Variants in NUP54 observed in about 807,000 individuals in gnomAD.
NUP54 encodes the protein nucleoporin 54.
NUP54 carries 27 observed loss-of-function variants against 66.4 expected under a neutral mutation model. The ratio of observed to expected loss-of-function variants is 0.41; its 90% CI spans 0.30 to 0.56. NUP54 has a LOEUF of 0.56. NUP54 is among the 20% of genes least tolerant of loss of function. The pLI is 0.34. For missense variants in NUP54, 486 were observed against 596.3 expected (o/e 0.82, Z 1.93); for synonymous variants, 206 against 210.7 (o/e 0.98, Z 0.19).
chr4:76,144,529 ACTT>A, intron 1 of NUP54, 56 bp from the exon 2 acceptor site: 14 of 1,241,944 alleles, frequency 1.1e-5, no homozygotes, highest in Non-Finnish European at 1.5e-5. Context: ...TATAAAGGCA[ACTT>A]CTTTTTAAAA....
intron 3 of NUP54, among the ~76,000 whole-genome samples, chr4:76,141,540 C>T (rs568844117): frequency 2.0e-5 from 3 of 152,216 alleles, no homozygotes; most frequent in Non-Finnish European, 2.9e-5. Context: ...TCCAGTCATT[C>T]GCTTTTATTG....
chr4:76,146,747 T>C (rs1731516841), intron 1 of NUP54, among the ~76,000 whole-genome samples: 1 of 152,238 alleles, frequency 6.6e-6, no homozygotes, highest in Non-Finnish European at 1.5e-5. Context: ...TATATCATTA[T>C]TGTTTTGCAA....
intron 4 of NUP54, 79 bp downstream of exon 4, chr4:76,136,107 T>C: frequency 1.1e-6 from 1 of 937,974 alleles, no homozygotes; most frequent in Non-Finnish European, 1.7e-6. Flanking sequence ...TCCAAGCAAT[T>C]GTTATCTTGA....
At position 76,136,293 on chromosome 4, in the gene NUP54, C is replaced by T. The variant is rs1731036019; in HGVS notation, c.415G>A (p.Ala139Thr). ...LLGDERDAILAKWNQLQAFWG... is the reference protein window; with the variant it reads ...LLGDERDAILTKWNQLQAFWG... ...AAGGCCTGCAGTTGATTCCATTTTG[C>T]CAAAATAGCATCTCTCTCATCTCCC... The change falls in exon 4 of 12, where the codon GCA becomes ACA. Residue 139 changes from alanine (A) to threonine (T), a missense_variant. Ala to Thr is a moderately conservative substitution (Grantham distance 58). Around this residue, in one of 4 missense-constraint regions of NUP54, gnomAD observed 41 missense variants for 82.7 expected, o/e 0.50. Coordinates refer to ENST00000264883, the MANE Select transcript of NUP54 (RefSeq NM_017426.4). The T allele has an allele frequency of 6.2e-7, 1 of 1,613,934 alleles. No individual in the cohort carries two copies. Among genetic ancestry groups the T allele is most frequent in the African/African-American group, 1.3e-5 (1 of 74,890 alleles).
chr4:76,144,435 C>A lies in NUP54; in HGVS notation c.106G>T (p.Gly36Cys). ...GGFGTTSTTA[G>C]SAFSFSAPTN... ...GGGGCAGAAAAGCTGAATGCAGAAC[C>A]TGCAGTTGTAGATGTTGTCCCAAAT... Residue 36 changes from glycine to cysteine, a missense_variant, in exon 2 of 12, where the codon GGT becomes TGT. Physicochemically the swap from Gly to Cys is radical, Grantham distance 159. Transcript: ENST00000264883. 6.2e-7 allele frequency: 1 copy of A among 1,608,774 alleles called. No homozygotes were observed. Among genetic ancestry groups the A allele is most frequent in the Non-Finnish European group, 8.5e-7 (1 of 1,178,666 alleles).
chr4:76,133,273 G>T (rs1329297289), intron 5 of NUP54, among the ~76,000 whole-genome samples: 1 of 151,242 alleles, frequency 6.6e-6, no homozygotes, highest in Non-Finnish European at 1.5e-5. Flanking sequence ...CAACCTAAAT[G>T]ATAAAGTTAA....
intron 8 of NUP54, among the ~76,000 whole-genome samples, chr4:76,128,136 C>T (rs758495472): frequency 6.6e-6 from 1 of 152,070 alleles, no homozygotes; most frequent in Admixed American, 6.6e-5. Context: ...GGAGATACAT[C>T]GTATTACCTA....
intron 3 of NUP54, 34 bp downstream of exon 3, chr4:76,144,115 G>A (rs1560693044): frequency 6.2e-7 from 1 of 1,610,576 alleles, no homozygotes; most frequent in Admixed American, 1.7e-5. Context: ...TATCATCACG[G>A]TTTTGTATTT....
intron 1 of NUP54, chr4:76,147,400 T>C (rs2109918423): frequency 1.0e-6 from 1 of 978,296 alleles, no homozygotes; most frequent in East Asian, 6.2e-5. Context: ...GTAACTGTTC[T>C]TTCCCAAACT....
chr4:76,137,652 G>A (rs951773610), intron 3 of NUP54, among the ~76,000 whole-genome samples: 4 of 149,624 alleles, frequency 2.7e-5, no homozygotes, highest in Non-Finnish European at 5.9e-5. Flanking sequence ...CAACCTCTCT[G>A]GGATACCAAT....
intron 3 of NUP54, among the ~76,000 whole-genome samples, chr4:76,141,841 T>G (rs1203850639): frequency 3.9e-5 from 6 of 152,158 alleles, no homozygotes; most frequent in Non-Finnish European, 7.4e-5. Context: ...CCAATTCATA[T>G]CTATCTCTCC....
At chr4:76,118,406 G>A (rs1247538693) in intron 9 of NUP54, 2 of 504,676 alleles carry the variant, frequency 4.0e-6, no homozygotes, top group Non-Finnish European at 7.1e-6. Context: ...TTTTTTTTGA[G>A]ACAGGGTCTT....
intron 9 of NUP54, among the ~76,000 whole-genome samples, chr4:76,121,553 C>T (rs1199070124): frequency 6.6e-6 from 1 of 152,194 alleles, no homozygotes; most frequent in Non-Finnish European, 1.5e-5. Context: ...GAGCCTCAAA[C>T]TCCTGGGCTC....
At chr4:76,120,343 A>C (rs1431588135) in intron 9 of NUP54, among the ~76,000 whole-genome samples, 4 of 151,646 alleles carry the variant, frequency 2.6e-5, no homozygotes, top group Non-Finnish European at 4.4e-5. Context: ...ACATCAGAAT[A>C]CCCTTTCCCC....
chr4:76,142,547 G>C (rs765019249), intron 3 of NUP54, among the ~76,000 whole-genome samples: 2 of 152,226 alleles, frequency 1.3e-5, no homozygotes, highest in Non-Finnish European at 2.9e-5. Context: ...ATACAGGTAA[G>C]TCACAATCTC....
chr4:76,122,218 G>A (rs1211693514), intron 9 of NUP54, among the ~76,000 whole-genome samples: 1 of 152,166 alleles, frequency 6.6e-6, no homozygotes, highest in African/African-American at 2.4e-5. Flanking sequence ...TTAAGAAATT[G>A]ATAAATAGCT....
Position 76,132,558 on chromosome 4 carries a change from G to A in NUP54, c.872C>T (p.Ala291Val). Reference sequence around the variant, plus strand: ...ATTCTGTAAAAGCTGTTTGATCTGTGCAGGAGAAAGTTCTGTTCTAGTCAT... The same window carrying A: ...ATTCTGTAAAAGCTGTTTGATCTGTACAGGAGAAAGTTCTGTTCTAGTCAT... ...LSMTRTELSP[A>V]QIKQLLQNPP... Residue 291 changes from alanine (A) to valine (V), a missense_variant, in exon 6 of 12, where the codon GCA becomes GTA. Around this residue, in one of 4 missense-constraint regions of NUP54, gnomAD observed 217 missense variants for 247.9 expected, o/e 0.88. Transcript: ENST00000264883. 1 of 1,613,794 alleles carries A rather than the reference G, an allele frequency of 6.2e-7. No homozygotes were observed. Among genetic ancestry groups the A allele is most frequent in the Non-Finnish European group, 8.5e-7 (1 of 1,179,924 alleles).
intron 11 of NUP54, among the ~76,000 whole-genome samples, chr4:76,116,600 C>T (rs1729961625): frequency 6.6e-6 from 1 of 152,320 alleles, no homozygotes; most frequent in South Asian, 2.1e-4. Flanking sequence ...AACCTACCTC[C>T]ATCCAGATCT....
At chr4:76,125,616 GA>G (rs1730451292) in intron 8 of NUP54, among the ~76,000 whole-genome samples, 1 of 107,552 alleles carries the variant, frequency 9.3e-6, no homozygotes, top group African/African-American at 3.7e-5. Flanking sequence ...GCATGGGCAA[GA>G]GGGAGAGGGA....
Sources: gnomAD v4.1 joint callset for allele counts (sites outside exome capture counted in the v4.1 genomes callset) on GRCh38, gnomAD v4.1.1 for gene constraint, gnomAD v4.1.1 regional missense constraint, MANE v1.5 for transcripts, NCBI Gene and HGNC (gene_info 2026-07-23, HGNC 2026-07-21) for gene names.